Variants in STXBP4 observed in about 807,000 individuals in gnomAD.
STXBP4 encodes syntaxin-binding protein 4.
Under a neutral mutation model 76.1 loss-of-function variants are expected in STXBP4, and 55 were observed. The ratio of observed to expected loss-of-function variants is 0.72; its 90% CI spans 0.58 to 0.91. The LOEUF (loss-of-function observed/expected upper bound fraction) is 0.91, where lower values mean the gene tolerates loss of function less well. STXBP4 is among the 40% of genes least tolerant of loss of function. The probability of loss-of-function intolerance (pLI) is 0.00; values close to 1 mark genes in which losing one functional copy is unlikely to be tolerated. For missense variants in STXBP4, 618 were observed against 636.9 expected (o/e 0.97, Z 0.32); for synonymous variants, 201 against 220.2 (o/e 0.91, Z 0.77).
chr17:55,208,532 TGGAA>T, the STXBP4 span, among the ~76,000 whole-genome samples: 76,767 of 131,754 alleles, frequency 0.58, 21,752 homozygotes, highest in Non-Finnish European at 0.65. Flanking sequence ...ACCCTGTTGG[TGGAA>T]GGAAGGAAGG....
chr17:55,189,564 C>T, the STXBP4 span, among the ~76,000 whole-genome samples: 11 of 152,260 alleles, frequency 7.2e-5, no homozygotes, highest in Non-Finnish European at 1.6e-4. Flanking sequence ...AGTGAGGCCA[C>T]GGTCAAGTTA....
At chr17:55,212,658 TCTCA>T in the STXBP4 span, among the ~76,000 whole-genome samples, 22 of 152,354 alleles carry the variant, frequency 1.4e-4, no homozygotes, top group African/African-American at 4.8e-4. Flanking sequence ...TATTACATCT[TCTCA>T]CTGTTTGTTA....
chr17:55,041,948 A>G (rs2078705475), intron 10 of STXBP4, among the ~76,000 whole-genome samples: 3 of 152,178 alleles, frequency 2.0e-5, no homozygotes, highest in Non-Finnish European at 1.5e-5. Context: ...ACAATACAGA[A>G]ATGAATTCTT....
In STXBP4 at chr17:55,160,764, A is replaced by T. The variant is rs1331849720; in HGVS notation, c.*853A>T. The T allele has an allele frequency of 6.6e-6, 1 of 152,280 alleles. No individual in the cohort carries two copies. Among genetic ancestry groups the T allele is most frequent in the Non-Finnish European group, 1.5e-5 (1 of 68,148 alleles). 9.4% of individuals were successfully genotyped at this position (152,280 alleles called of 1,614,324 possible). ...CTTCGGTCAAACATGGCCCCTCTAT[A>T]ACCCCACTATTCTTCTCCTATAAAC... On this transcript the variant is annotated 3_prime_UTR_variant, in exon 18 of 18. Transcript: ENST00000376352.
At chr17:55,146,656 G>T (rs543544693) in intron 17 of STXBP4, among the ~76,000 whole-genome samples, 6 of 152,074 alleles carry the variant, frequency 3.9e-5, no homozygotes, top group African/African-American at 1.4e-4. Flanking sequence ...GGCGGAGTTT[G>T]CAGTGAGCCA....
At chr17:55,180,598 C>G in the STXBP4 span, among the ~76,000 whole-genome samples, 5 of 152,188 alleles carry the variant, frequency 3.3e-5, no homozygotes, top group African/African-American at 4.8e-5. Context: ...GAAATGGAGA[C>G]TTTACAGGTA....
the STXBP4 span, among the ~76,000 whole-genome samples, chr17:55,195,302 A>G: frequency 1.3e-5 from 2 of 152,192 alleles, no homozygotes; most frequent in Non-Finnish European, 2.9e-5. Flanking sequence ...TTTAAAGCAC[A>G]GTTCAAAACC....
At chr17:55,046,059 C>T (rs2078781786) in intron 11 of STXBP4, among the ~76,000 whole-genome samples, 1 of 151,904 alleles carries the variant, frequency 6.6e-6, no homozygotes, top group African/African-American at 2.4e-5. Flanking sequence ...TTTTATCTTG[C>T]AAGAATAATT....
intron 16 of STXBP4, among the ~76,000 whole-genome samples, chr17:55,122,721 A>G (rs2079860605): frequency 6.6e-6 from 1 of 152,218 alleles, no homozygotes; most frequent in Non-Finnish European, 1.5e-5. Flanking sequence ...TTAGATTGTC[A>G]ACTTACATAT....
At chr17:55,105,402 G>A (rs1474934181) in intron 16 of STXBP4, among the ~76,000 whole-genome samples, 1 of 151,780 alleles carries the variant, frequency 6.6e-6, no homozygotes, top group African/African-American at 2.4e-5. Context: ...TCCAGGGGCA[G>A]GTTGTTCAGC....
chr17:55,099,285 T>G (rs2079535479), intron 16 of STXBP4, among the ~76,000 whole-genome samples: 1 of 152,266 alleles, frequency 6.6e-6, no homozygotes, highest in African/African-American at 2.4e-5. Flanking sequence ...TACCCATTTA[T>G]ATGCATAAAT....
chr17:54,981,757 GA>G (rs964507932), intron 1 of STXBP4, among the ~76,000 whole-genome samples: 1 of 152,022 alleles, frequency 6.6e-6, no homozygotes, highest in African/African-American at 2.4e-5. Flanking sequence ...GAAAAGGGGG[GA>G]AAATATATTT....
At chr17:55,206,369 G>A in the STXBP4 span, among the ~76,000 whole-genome samples, 1 of 152,046 alleles carries the variant, frequency 6.6e-6, no homozygotes, top group Admixed American at 6.6e-5. Context: ...CAGCTATTAA[G>A]AAATCCAGCC....
At chr17:55,111,185 C>T (rs920304463) in intron 16 of STXBP4, among the ~76,000 whole-genome samples, 3 of 152,166 alleles carry the variant, frequency 2.0e-5, no homozygotes, top group Non-Finnish European at 4.4e-5. Context: ...ATAAATTAGA[C>T]CATGTCACTC....
chr17:55,076,191 G>A (rs1319830726), intron 13 of STXBP4, among the ~76,000 whole-genome samples: 4 of 151,962 alleles, frequency 2.6e-5, no homozygotes, highest in African/African-American at 9.7e-5. Flanking sequence ...TTCCATTTTT[G>A]TCAGTATTTT....
At chr17:55,071,783 C>T (rs761906085) in intron 12 of STXBP4, among the ~76,000 whole-genome samples, 59 of 152,090 alleles carry the variant, frequency 3.9e-4, no homozygotes, top group Non-Finnish European at 3.1e-4. Flanking sequence ...TGTATTTAGG[C>T]TCAAACAAAA....
At chr17:55,086,331 A>G (rs1353203227) in intron 16 of STXBP4, among the ~76,000 whole-genome samples, 1 of 152,206 alleles carries the variant, frequency 6.6e-6, no homozygotes, top group Admixed American at 6.5e-5. Context: ...CACATAATAT[A>G]CAATAGTCAG....
At chr17:55,009,770 T>G (rs2078073531) in intron 8 of STXBP4, among the ~76,000 whole-genome samples, 1 of 152,098 alleles carries the variant, frequency 6.6e-6, no homozygotes, top group South Asian at 2.1e-4. Context: ...TTAATAACTT[T>G]TTTCGTGAAA....
chr17:55,026,834 C>G (rs992209936), intron 8 of STXBP4, among the ~76,000 whole-genome samples: 4 of 152,094 alleles, frequency 2.6e-5, no homozygotes, highest in Admixed American at 6.5e-5. Context: ...ACTCTCTTGT[C>G]GAGAACCAGG....
Sources: gnomAD v4.1 joint callset for allele counts (sites outside exome capture counted in the v4.1 genomes callset) on GRCh38, gnomAD v4.1.1 for gene constraint, MANE v1.5 for transcripts, NCBI Gene and HGNC (gene_info 2026-07-23, HGNC 2026-07-21) for gene names.